The following SCPPPQ1 variants were observed in gnomAD, a reference collection of about 807,000 sequenced individuals.
The protein encoded by SCPPPQ1 is secretory calcium-binding phosphoprotein proline-glutamine rich 1.
At chr4:87,462,477 CTTTCT>C in the SCPPPQ1 span, among the ~76,000 whole-genome samples, 3 of 26,228 alleles carry the variant, frequency 1.1e-4, no homozygotes, top group South Asian at 2.4e-3. Context: ...CCACGTTTTT[CTTTCT>C]TTCTTTCTTT....
chr4:87,470,276 A>C, the SCPPPQ1 span, among the ~76,000 whole-genome samples: 1 of 152,132 alleles, frequency 6.6e-6, no homozygotes, highest in Non-Finnish European at 1.5e-5. Flanking sequence ...CTACTCACAA[A>C]TCTTTAAACA....
chr4:87,463,249 T>C, the SCPPPQ1 span, among the ~76,000 whole-genome samples: 1 of 151,912 alleles, frequency 6.6e-6, no homozygotes, highest in Non-Finnish European at 1.5e-5. Context: ...TTTCGTGGCA[T>C]TGAATATAAC....
At chr4:87,465,313 G>C in the SCPPPQ1 span, among the ~76,000 whole-genome samples, 2 of 151,930 alleles carry the variant, frequency 1.3e-5, no homozygotes, top group East Asian at 3.9e-4. Context: ...TCAGGTCTTA[G>C]GTAATTCAGT....
chr4:87,467,887 CTG>C, the SCPPPQ1 span, among the ~76,000 whole-genome samples: 1 of 152,154 alleles, frequency 6.6e-6, no homozygotes, highest in Admixed American at 6.5e-5. Context: ...AGATAAATCT[CTG>C]TAAAAAGAAA....
the SCPPPQ1 span, chr4:87,462,360 A>G: frequency 1.3e-5 from 2 of 152,226 alleles, no homozygotes; most frequent in South Asian, 2.1e-4. Flanking sequence ...TACATACACT[A>G]TGATTGGGCC....
chr4:87,466,388 CA>C, the SCPPPQ1 span, among the ~76,000 whole-genome samples: 5 of 151,550 alleles, frequency 3.3e-5, no homozygotes, highest in East Asian at 3.9e-4. Context: ...AAAACGAAAA[CA>C]AAAAAAACAA....
At chr4:87,469,569 GC>G in the SCPPPQ1 span, among the ~76,000 whole-genome samples, 1 of 152,188 alleles carries the variant, frequency 6.6e-6, no homozygotes, top group Non-Finnish European at 1.5e-5. Context: ...AATTGAGTCA[GC>G]AGCTGAGGAG....
the SCPPPQ1 span, among the ~76,000 whole-genome samples, chr4:87,469,979 G>C: frequency 0.021 from 3,051 of 142,354 alleles, 109 homozygotes; most frequent in African/African-American, 0.076. Flanking sequence ...TTTGAGACAG[G>C]GTCTTGCTCT....
At chr4:87,464,406 T>C in the SCPPPQ1 span, among the ~76,000 whole-genome samples, 1 of 152,132 alleles carries the variant, frequency 6.6e-6, no homozygotes, top group Non-Finnish European at 1.5e-5. Flanking sequence ...ACATGTAGTC[T>C]GTATTTTCTG....
At chr4:87,461,491 T>C in the SCPPPQ1 span, among the ~76,000 whole-genome samples, 3 of 152,190 alleles carry the variant, frequency 2.0e-5, no homozygotes, top group Admixed American at 6.5e-5. Context: ...ATTGTTGAAG[T>C]TGTTTGTGTA....
At chr4:87,466,203 AAC>A in the SCPPPQ1 span, among the ~76,000 whole-genome samples, 6 of 151,958 alleles carry the variant, frequency 3.9e-5, no homozygotes, top group Admixed American at 2.0e-4. Context: ...CAGCCCAACT[AAC>A]ATGGTGAAAC....
the SCPPPQ1 span, among the ~76,000 whole-genome samples, chr4:87,467,231 A>G: frequency 1.8e-4 from 28 of 152,270 alleles, no homozygotes; most frequent in Non-Finnish European, 2.5e-4. Flanking sequence ...TTGTACCTCA[A>G]GCACTCACCG....
the SCPPPQ1 span, among the ~76,000 whole-genome samples, chr4:87,470,086 T>C: frequency 6.6e-6 from 1 of 151,700 alleles, no homozygotes; most frequent in African/African-American, 2.4e-5. Flanking sequence ...CCCAAGGAGC[T>C]AGGACTACAG....
At chr4:87,461,899 A>G in the SCPPPQ1 span, 1 of 152,172 alleles carries the variant, frequency 6.6e-6, no homozygotes. Flanking sequence ...AATCAGAGGC[A>G]ATTAAACTCA....
the SCPPPQ1 span, among the ~76,000 whole-genome samples, chr4:87,469,795 T>C: frequency 6.6e-6 from 1 of 152,158 alleles, no homozygotes; most frequent in African/African-American, 2.4e-5. Flanking sequence ...ACAAGAGTGT[T>C]TTTAAAAGCT....
At chr4:87,467,352 C>T in the SCPPPQ1 span, among the ~76,000 whole-genome samples, 1 of 151,904 alleles carries the variant, frequency 6.6e-6, no homozygotes, top group Non-Finnish European at 1.5e-5. Flanking sequence ...TTTAAGAATC[C>T]AGATATTAGG....
the SCPPPQ1 span, among the ~76,000 whole-genome samples, chr4:87,469,048 G>A: frequency 6.6e-6 from 1 of 152,268 alleles, no homozygotes; most frequent in Non-Finnish European, 1.5e-5. Flanking sequence ...AGTAATCAAT[G>A]TAAGTTATCT....
At chr4:87,465,559 CAAAAAAAA>C in the SCPPPQ1 span, among the ~76,000 whole-genome samples, 982 of 98,278 alleles carry the variant, frequency 1.0e-2, 9 homozygotes, top group African/African-American at 0.04. Flanking sequence ...TAGAAATCTA[CAAAAAAAA>C]AAAAAAAAAA....
At chr4:87,468,790 C>T in the SCPPPQ1 span, among the ~76,000 whole-genome samples, 2 of 152,216 alleles carry the variant, frequency 1.3e-5, no homozygotes, top group Non-Finnish European at 2.9e-5. Flanking sequence ...AATATGTATA[C>T]TGCAGCATTC....
Sources: gnomAD v4.1 joint callset for allele counts (sites outside exome capture counted in the v4.1 genomes callset) on GRCh38, gnomAD v4.1.1 for gene constraint, MANE v1.5 for transcripts, NCBI Gene and HGNC (gene_info 2026-07-23, HGNC 2026-07-21) for gene names.